The following TBL1XR1 variants were observed in gnomAD, a reference collection of about 807,000 sequenced individuals.
TBL1XR1 encodes the protein TBL1X/Y related 1.
Under a neutral mutation model 66.9 loss-of-function variants are expected in TBL1XR1, and 5 were observed. That is an observed-to-expected ratio of 0.07 (90% CI 0.04 to 0.16). TBL1XR1 has a LOEUF of 0.16. Among genes scored for constraint, TBL1XR1 ranks in the 10% least tolerant of loss-of-function variants. The probability of loss-of-function intolerance (pLI) is 1.00; values close to 1 mark genes in which losing one functional copy is unlikely to be tolerated. For synonymous variants in TBL1XR1, 210 were observed against 206.0 expected (o/e 1.02, Z -0.17); for missense variants, 238 against 623.2 (o/e 0.38, Z 6.58).
At chr3:177,066,470 G>A (rs180889176) in intron 2 of TBL1XR1, among the ~76,000 whole-genome samples, 1 of 152,172 alleles carries the variant, frequency 6.6e-6, no homozygotes, top group South Asian at 2.1e-4. Context: ...AGCAGGTGTG[G>A]AAGGAATGAG....
chr3:177,126,158 AAGTGG>A (rs1182165220), intron 1 of TBL1XR1: 1 of 152,230 alleles, frequency 6.6e-6, no homozygotes, highest in African/African-American at 2.4e-5. Flanking sequence ...CATTAAGTAG[AAGTGG>A]CTCTGTCAAA....
chr3:177,126,469 G>A lies in TBL1XR1; in HGVS notation c.-121-27928C>T, dbSNP rs560659042. Reference sequence around the variant, plus strand: ...AAATCATCAGGACTTTCCCAGTGTTGTTTGCTCCAATTAGTACATCTTCTA... The same window carrying A: ...AAATCATCAGGACTTTCCCAGTGTTATTTGCTCCAATTAGTACATCTTCTA... On this transcript the variant is annotated intron_variant, in intron 1 of 15. Coordinates refer to ENST00000457928, the MANE Select transcript of TBL1XR1 (RefSeq NM_024665.7). 2.0e-5 allele frequency among the ~76,000 whole-genome samples: 3 copies of A among 152,304 alleles called. No homozygotes were observed. In the South Asian group the frequency reaches 6.2e-4, roughly 32 times the overall value.
intron 10 of TBL1XR1, among the ~76,000 whole-genome samples, chr3:177,040,455 A>T (rs753725455): frequency 6.6e-6 from 1 of 152,178 alleles, no homozygotes; most frequent in Non-Finnish European, 1.5e-5. Context: ...CAAGCATAAT[A>T]GTAACTGGCT....
chr3:177,130,256 C>T (rs1728141811), intron 1 of TBL1XR1, among the ~76,000 whole-genome samples: 1 of 151,908 alleles, frequency 6.6e-6, no homozygotes, highest in Non-Finnish European at 1.5e-5. Flanking sequence ...AACGTTTGCA[C>T]ACATGCAAAA....
chr3:177,048,765 G>A (rs948939184), intron 7 of TBL1XR1, among the ~76,000 whole-genome samples: 3 of 152,152 alleles, frequency 2.0e-5, no homozygotes, highest in African/African-American at 4.8e-5. Context: ...CAAGTTCACC[G>A]TGAATAACAC....
At chr3:177,140,754 T>A (rs1457608329) in intron 1 of TBL1XR1, among the ~76,000 whole-genome samples, 1 of 152,204 alleles carries the variant, frequency 6.6e-6, no homozygotes, top group African/African-American at 2.4e-5. Flanking sequence ...TATAAGTAAA[T>A]AATAGTCATA....
chr3:177,068,674 T>A (rs1719475141), intron 2 of TBL1XR1, among the ~76,000 whole-genome samples: 2 of 152,188 alleles, frequency 1.3e-5, no homozygotes, highest in African/African-American at 4.8e-5. Flanking sequence ...AAAGTACTAC[T>A]TTAAATGTCA....
chr3:177,105,297 A>C (rs913379701), intron 1 of TBL1XR1, among the ~76,000 whole-genome samples: 12 of 152,202 alleles, frequency 7.9e-5, no homozygotes, highest in Non-Finnish European at 5.9e-5. Flanking sequence ...ATAAAGTTTG[A>C]TAGCTGCTAA....
chr3:177,173,664 G>A (rs2108937524), intron 1 of TBL1XR1, among the ~76,000 whole-genome samples: 1 of 152,088 alleles, frequency 6.6e-6, no homozygotes, highest in South Asian at 2.1e-4. Flanking sequence ...ATTGGCTATT[G>A]GAACAGAAAA....
intron 2 of TBL1XR1, among the ~76,000 whole-genome samples, chr3:177,071,296 T>G (rs913781298): frequency 6.6e-6 from 1 of 152,062 alleles, no homozygotes; most frequent in Admixed American, 6.5e-5. Flanking sequence ...CCTGAATAGA[T>G]AGGAACTCTG....
intron 1 of TBL1XR1, among the ~76,000 whole-genome samples, chr3:177,110,509 T>C (rs933842829): frequency 2.6e-5 from 4 of 152,340 alleles, no homozygotes; most frequent in South Asian, 4.1e-4. Flanking sequence ...GGTTTTTTTT[T>C]CCCTACTGTG....
intron 1 of TBL1XR1, chr3:177,196,609 G>T (rs1246699475): frequency 1.3e-5 from 2 of 150,812 alleles, no homozygotes; most frequent in African/African-American, 4.9e-5. Flanking sequence ...TTCCATTGCC[G>T]CCCGAGGTTT....
intron 3 of TBL1XR1, among the ~76,000 whole-genome samples, chr3:177,058,758 C>T (rs1468905748): frequency 6.6e-6 from 1 of 152,180 alleles, no homozygotes; most frequent in Non-Finnish European, 1.5e-5. Context: ...TATACTCTCG[C>T]TATGCTGGCT....
intron 1 of TBL1XR1, among the ~76,000 whole-genome samples, chr3:177,133,360 C>T (rs1728530053): frequency 2.0e-5 from 3 of 152,148 alleles, no homozygotes; most frequent in Admixed American, 6.5e-5. Context: ...TCTGTATTTA[C>T]CACCCCCTGA....
intron 1 of TBL1XR1, among the ~76,000 whole-genome samples, chr3:177,123,878 A>G (rs1577236286): frequency 2.0e-5 from 3 of 152,216 alleles, no homozygotes; most frequent in Middle Eastern, 3.4e-3. Context: ...AAAGGATGAC[A>G]AAGAAATTCC....
At chr3:177,188,045 G>A (rs1047835369) in intron 1 of TBL1XR1, among the ~76,000 whole-genome samples, 7 of 147,374 alleles carry the variant, frequency 4.7e-5, no homozygotes, top group Non-Finnish European at 1.5e-5. Context: ...CACCTCCCAG[G>A]TTCAGGCTAA....
At chr3:177,151,045 A>G (rs1237546842) in intron 1 of TBL1XR1, among the ~76,000 whole-genome samples, 1 of 152,252 alleles carries the variant, frequency 6.6e-6, no homozygotes, top group Admixed American at 6.5e-5. Flanking sequence ...ATAAAAACAC[A>G]TAGAATCACA....
intron 7 of TBL1XR1, 109 bp downstream of exon 7, chr3:177,049,888 T>A: frequency 8.4e-7 from 1 of 1,187,632 alleles, no homozygotes; most frequent in Non-Finnish European, 1.1e-6. Flanking sequence ...TGTTACTAGT[T>A]AATAAAACCC....
intron 13 of TBL1XR1, 119 bp from the exon 14 acceptor site, chr3:177,033,255 G>A: frequency 1.5e-6 from 1 of 645,654 alleles, no homozygotes; most frequent in Non-Finnish European, 2.4e-6. Flanking sequence ...ATGAGAAGCA[G>A]ACCGACTGGA....
Sources: gnomAD v4.1 joint callset for allele counts (sites outside exome capture counted in the v4.1 genomes callset) on GRCh38, gnomAD v4.1.1 for gene constraint, MANE v1.5 for transcripts, NCBI Gene and HGNC (gene_info 2026-07-23, HGNC 2026-07-21) for gene names.